OSBP2: variants seen among roughly 807,000 people sequenced by gnomAD.
OSBP2 encodes oxysterol-binding protein 2.
Under a neutral mutation model 96.0 loss-of-function variants are expected in OSBP2, and 66 were observed. The observed-to-expected ratio is 0.69, with a 90% CI of 0.56 to 0.84. The LOEUF (loss-of-function observed/expected upper bound fraction) is 0.84. Ranked by LOEUF, OSBP2 falls within the 40% of genes least tolerant of loss-of-function variation. OSBP2 has a pLI of 0.00. For synonymous variants in OSBP2, 525 were observed against 520.9 expected (o/e 1.01, Z -0.11); for missense variants, 1,038 against 1,222.7 (o/e 0.85, Z 2.25).
Position 30,870,823 on chromosome 22 carries a change from C to G in OSBP2, c.1107+141C>G, listed in dbSNP as rs2039443233. On this transcript the variant is annotated intron_variant, in intron 3 of 13. Coordinates refer to ENST00000332585, the MANE Select transcript of OSBP2 (RefSeq NM_030758.4). The surrounding 1 kb of genome is among the most constrained non-coding windows in gnomAD (Gnocchi z 4.1). ...CGGTGTTTCCCAAAGCCAGCGCCCCCCAGCTAGCTTCCGAGTTCTTAAATC... is the reference window on the plus strand; with the variant it reads ...CGGTGTTTCCCAAAGCCAGCGCCCCGCAGCTAGCTTCCGAGTTCTTAAATC... 1.2e-6 allele frequency: 1 copy of G among 837,436 alleles called. No individual in the cohort carries two copies. Among genetic ancestry groups the G allele is most frequent in the Non-Finnish European group, 1.8e-6 (1 of 546,934 alleles). The allele number at this position is 837,436 out of a possible 1,614,324, so 51.9% of individuals were successfully genotyped here.
At chr22:30,696,183 G>A (rs1422428226) in intron 1 of OSBP2, among the ~76,000 whole-genome samples, 1 of 152,138 alleles carries the variant, frequency 6.6e-6, no homozygotes, top group Non-Finnish European at 1.5e-5. Context: ...GACCCAGCAC[G>A]GGATTCAAAA....
chr22:30,791,882 C>T (rs972373836), intron 2 of OSBP2, among the ~76,000 whole-genome samples: 4 of 152,154 alleles, frequency 2.6e-5, no homozygotes, highest in African/African-American at 9.7e-5. Context: ...TCTGCCCCCA[C>T]ATCAGTGGGT....
In OSBP2 at chr22:30,902,458, CA is replaced by C. The variant is rs1602448828; in HGVS notation, c.2376-3377del. 3.8e-6 allele frequency: 6 copies of C among 1,585,086 alleles called. No individual in the cohort carries two copies. The East Asian group carries it at 1.1e-4, about 30-fold the overall frequency. ...TGTGGACATTGCAGAAGGCAGAAAA[CA>C]AGATAAAGGTGGCTTTGGATTCAGA... On this transcript the variant is annotated intron_variant, in intron 12 of 13. Coordinates refer to ENST00000332585, the MANE Select transcript of OSBP2 (RefSeq NM_030758.4).
chr22:30,732,545 G>A (rs560026380), intron 1 of OSBP2, among the ~76,000 whole-genome samples: 7 of 152,140 alleles, frequency 4.6e-5, no homozygotes, highest in Admixed American at 4.6e-4. Context: ...AGTGGTTGTG[G>A]CAGTGTCCAG....
At chr22:30,874,355 T>C (rs1335118085) in intron 3 of OSBP2, among the ~76,000 whole-genome samples, 1 of 151,860 alleles carries the variant, frequency 6.6e-6, no homozygotes, top group African/African-American at 2.4e-5. Flanking sequence ...GAGGTTGCAG[T>C]GAGCCAAGAT....
chr22:30,732,200 A>G (rs5997748), intron 1 of OSBP2, among the ~76,000 whole-genome samples: 3,045 of 152,254 alleles, frequency 0.02, 105 homozygotes, highest in African/African-American at 0.068. Flanking sequence ...GCTACTCGGG[A>G]GGCTGAGACA....
At chr22:30,701,968 G>A (rs1173656806) in intron 1 of OSBP2, among the ~76,000 whole-genome samples, 2 of 152,172 alleles carry the variant, frequency 1.3e-5, no homozygotes, top group Non-Finnish European at 2.9e-5. Context: ...TTTTGGAGGA[G>A]CACAGTGCAC....
At chr22:30,824,527 C>A (rs1171888958) in intron 2 of OSBP2, among the ~76,000 whole-genome samples, 1 of 152,128 alleles carries the variant, frequency 6.6e-6, no homozygotes. Context: ...CAAACACATA[C>A]ATAGCTAGGG....
At chr22:30,755,338 C>T (rs2090128275) in intron 2 of OSBP2, among the ~76,000 whole-genome samples, 1 of 152,136 alleles carries the variant, frequency 6.6e-6, no homozygotes, top group South Asian at 2.1e-4. Flanking sequence ...ATGTACAGGG[C>T]CCCATATCAC....
chr22:30,694,537 G>A (rs566457269), upstream of OSBP2, among the ~76,000 whole-genome samples: 5 of 152,318 alleles, frequency 3.3e-5, no homozygotes, highest in East Asian at 7.8e-4. Flanking sequence ...AGCTGCGCTG[G>A]GAGCTGGCGG....
chr22:30,886,701 A>C (rs886181951), intron 3 of OSBP2, among the ~76,000 whole-genome samples: 11 of 152,354 alleles, frequency 7.2e-5, no homozygotes, highest in African/African-American at 2.4e-4. Context: ...ATATAGGGCT[A>C]AATAAAGCCC....
At position 30,905,906 on chromosome 22, in the gene OSBP2, A is replaced by G; in HGVS notation, c.2445A>G (p.Val815=). ...ALTLNEHEEG[V]APTDSRLRPD... is the part of the protein sequence containing the mutation. ...CCCTCAACGAGCACGAGGAGGGCGT[A>G]GCGCCAACCGACAGCCGCCTGCGGC... is the stretch of plus-strand genomic sequence containing the variant. Residue 815 remains valine, a synonymous_variant, in exon 13 of 14, where the codon GTA becomes GTG. Transcript: ENST00000332585. The G allele has an allele frequency of 6.2e-7, 1 of 1,613,068 alleles. No homozygotes were observed. Among genetic ancestry groups the G allele is most frequent in the Middle Eastern group, 1.6e-4 (1 of 6,062 alleles).
At chr22:30,702,181 G>A (rs1014017612) in intron 1 of OSBP2, among the ~76,000 whole-genome samples, 4 of 152,066 alleles carry the variant, frequency 2.6e-5, no homozygotes, top group African/African-American at 9.7e-5. Context: ...CATCCCAGTT[G>A]CCGCATCATG....
intron 2 of OSBP2, among the ~76,000 whole-genome samples, chr22:30,821,541 G>T (rs2038273325): frequency 6.6e-6 from 1 of 152,116 alleles, no homozygotes; most frequent in African/African-American, 2.4e-5. Context: ...GGTGGGGAGG[G>T]TTGAGGAAGG....
intron 1 of OSBP2, among the ~76,000 whole-genome samples, chr22:30,703,745 G>A (rs1382670248): frequency 6.6e-6 from 1 of 152,134 alleles, no homozygotes; most frequent in East Asian, 1.9e-4. Context: ...CAAAGTGCTG[G>A]CATTACAGGT....
chr22:30,781,838 A>G (rs982901935), intron 2 of OSBP2, among the ~76,000 whole-genome samples: 2 of 152,102 alleles, frequency 1.3e-5, no homozygotes, highest in Non-Finnish European at 2.9e-5. Context: ...TTTGTTTTCA[A>G]TCCATGTCTT....
At position 30,906,206 on chromosome 22, in the gene OSBP2, C is replaced by A. The variant is rs773355078; in HGVS notation, c.2618C>A (p.Ala873Glu). Residue 873 changes from alanine to glutamate, a missense_variant, in exon 14 of 14, where the codon GCG (alanine) becomes GAG (glutamate). Ala to Glu is a moderately radical substitution (Grantham distance 107). Coordinates refer to ENST00000332585, the MANE Select transcript of OSBP2 (RefSeq NM_030758.4). ...TGTGCCTGCCCAGCAGAGAAGGAGG[C>A]GGATGCCTACACGCCACTGTGGTTT... is the stretch of plus-strand genomic sequence containing the variant. Reference protein sequence around the residue: ...SSCSSEEEKEADAYTPLWFEK... With the variant: ...SSCSSEEEKEEDAYTPLWFEK... The A allele has an allele frequency of 6.2e-7, 1 of 1,614,046 alleles. No individual in the cohort carries two copies. The highest frequency in any genetic ancestry group is 1.3e-5 in the African/African-American group (1 of 75,052).
intron 2 of OSBP2, among the ~76,000 whole-genome samples, chr22:30,830,780 A>G (rs184626555): frequency 2.6e-5 from 4 of 152,134 alleles, no homozygotes; most frequent in African/African-American, 4.8e-5. Context: ...GTTCAAGAGC[A>G]TGGCGTTTCC....
chr22:30,784,647 G>A (rs1441410985), intron 2 of OSBP2, among the ~76,000 whole-genome samples: 1 of 152,104 alleles, frequency 6.6e-6, no homozygotes, highest in Non-Finnish European at 1.5e-5. Flanking sequence ...TTCTAAAAGT[G>A]TATCTGATTT....
Sources: allele counts gnomAD v4.1 joint callset (sites outside exome capture counted in the v4.1 genomes callset), GRCh38; gene constraint gnomAD v4.1.1; non-coding constraint Gnocchi (gnomAD v3.1); transcripts MANE v1.5; gene names NCBI Gene and HGNC (gene_info 2026-07-23, HGNC 2026-07-21).